TAFA2: variants seen among roughly 807,000 people sequenced by gnomAD.
The protein encoded by TAFA2 is TAFA chemokine like family member 2.
TAFA2 carries 7 observed loss-of-function variants against 18.8 expected under a neutral mutation model. That is an observed-to-expected ratio of 0.37 (90% CI 0.21 to 0.70). The LOEUF (loss-of-function observed/expected upper bound fraction) is 0.70, where lower values mean the gene tolerates loss of function less well. TAFA2 is among the 30% of genes least tolerant of loss of function. TAFA2 has a pLI of 0.53. For synonymous variants in TAFA2, 60 were observed against 54.2 expected, an observed-to-expected ratio of 1.11 and a Z score of -0.47; for missense variants, 122 against 158.1, an observed-to-expected ratio of 0.77 and a Z score of 1.23.
chr12:62,086,173 AC>A (rs1174986564), intron 1 of TAFA2, among the ~76,000 whole-genome samples: 1 of 149,244 alleles, frequency 6.7e-6, no homozygotes, highest in Non-Finnish European at 1.5e-5. Context: ...TCTCAAAAAA[AC>A]AAAACAAAAC....
chr12:62,197,897 A>G (rs1592396494), intron 1 of TAFA2, among the ~76,000 whole-genome samples: 1 of 152,228 alleles, frequency 6.6e-6, no homozygotes, highest in Non-Finnish European at 1.5e-5. Flanking sequence ...ATTAAAAATA[A>G]AGCTGCTATG....
At chr12:62,170,649 C>T (rs2062471112) in intron 1 of TAFA2, among the ~76,000 whole-genome samples, 1 of 151,624 alleles carries the variant, frequency 6.6e-6, no homozygotes, top group Non-Finnish European at 1.5e-5. Flanking sequence ...TTAAGGGGTA[C>T]ACATGCAGTT....
chr12:61,816,394 G>A (rs958918766), intron 2 of TAFA2, among the ~76,000 whole-genome samples: 5 of 151,416 alleles, frequency 3.3e-5, no homozygotes. Context: ...TGGTGTATAT[G>A]TACCACATTT....
intron 2 of TAFA2, among the ~76,000 whole-genome samples, chr12:61,779,922 C>G (rs1264111273): frequency 1.3e-5 from 2 of 151,676 alleles, no homozygotes; most frequent in Non-Finnish European, 2.9e-5. Flanking sequence ...TATAATATCT[C>G]TATTAATGAA....
chr12:61,732,415 A>C (rs1870494775), intron 4 of TAFA2, among the ~76,000 whole-genome samples: 1 of 152,082 alleles, frequency 6.6e-6, no homozygotes, highest in African/African-American at 2.4e-5. Flanking sequence ...CTAAGGCTAA[A>C]CCGTAGGCAA....
Position 62,156,316 on chromosome 12 carries a change from G to A in TAFA2, c.-2+34943C>T, listed in dbSNP as rs149066766. On this transcript the variant is annotated intron_variant, in intron 1 of 4. Coordinates refer to ENST00000416284, the MANE Select transcript of TAFA2 (RefSeq NM_178539.5). ...AACAGTAGATGTTGGTATGGATGCC[G>A]TGATCAGTGAACACTGCCACACTGC... is the stretch of plus-strand genomic sequence containing the variant. 9.2e-3 allele frequency among the ~76,000 whole-genome samples: 1,402 copies of A among 152,284 alleles called. 9 individuals carry two copies. Among genetic ancestry groups the A allele is most frequent in the Non-Finnish European group, 0.014 (956 of 68,022 alleles).
intron 1 of TAFA2, among the ~76,000 whole-genome samples, chr12:62,244,207 A>T (rs998717814): frequency 6.7e-6 from 1 of 149,926 alleles, no homozygotes; most frequent in African/African-American, 2.5e-5. Context: ...TCTGAACTCA[A>T]TCATTGTTAT....
At chr12:62,242,963 A>G (rs1254532474) in intron 1 of TAFA2, among the ~76,000 whole-genome samples, 2 of 152,208 alleles carry the variant, frequency 1.3e-5, no homozygotes, top group East Asian at 3.8e-4. Context: ...TCAAACCCAG[A>G]TTCATTTAAA....
chr12:62,249,659 G>A (rs1229035580), intron 1 of TAFA2, among the ~76,000 whole-genome samples: 1 of 152,150 alleles, frequency 6.6e-6, no homozygotes, highest in Non-Finnish European at 1.5e-5. Context: ...AATACCCATT[G>A]TTCCCTCTCA....
intron 1 of TAFA2, among the ~76,000 whole-genome samples, chr12:61,955,971 G>A (rs1253356798): frequency 4.0e-5 from 6 of 151,846 alleles, no homozygotes; most frequent in Non-Finnish European, 8.8e-5. Context: ...TAAAATTTAG[G>A]CTCAATTATA....
At chr12:62,229,483 T>G (rs759680592) in intron 1 of TAFA2, among the ~76,000 whole-genome samples, 2 of 152,150 alleles carry the variant, frequency 1.3e-5, no homozygotes, top group Non-Finnish European at 2.9e-5. Flanking sequence ...TCATATGGTT[T>G]TTGTTCTTGA....
intron 1 of TAFA2, among the ~76,000 whole-genome samples, chr12:62,220,968 A>C (rs940405037): frequency 6.6e-6 from 1 of 151,826 alleles, no homozygotes; most frequent in Non-Finnish European, 1.5e-5. Context: ...TTAGCCGGGC[A>C]TGGTAGCGGG....
Position 62,019,365 on chromosome 12 carries a change from C to G in TAFA2, c.-1-151939G>C, listed in dbSNP as rs567614516. On this transcript the variant is annotated intron_variant, in intron 1 of 4. Transcript: ENST00000416284. ...ATTATAAATCACGCTGCTATAAAGA[C>G]ACATGCACATGTATGTTTATTGTGG... 9.5e-4 allele frequency among the ~76,000 whole-genome samples: 141 copies of G among 148,554 alleles called. 2 individuals are homozygous for G. The highest frequency in any genetic ancestry group is 3.4e-3 in the African/African-American group (136 of 39,880).
intron 1 of TAFA2, among the ~76,000 whole-genome samples, chr12:62,154,709 G>A (rs1331252333): frequency 1.3e-5 from 2 of 151,998 alleles, no homozygotes; most frequent in South Asian, 2.1e-4. Context: ...AAACATTTAC[G>A]ATAATTTTTC....
chr12:62,069,741 A>C (rs1882580171), intron 1 of TAFA2, among the ~76,000 whole-genome samples: 1 of 152,190 alleles, frequency 6.6e-6, no homozygotes, highest in Non-Finnish European at 1.5e-5. Context: ...TTTGAATTTT[A>C]GTTCCTTCAC....
intron 1 of TAFA2, among the ~76,000 whole-genome samples, chr12:61,936,574 A>C (rs2121406881): frequency 6.9e-6 from 1 of 144,046 alleles, no homozygotes; most frequent in South Asian, 2.1e-4. Flanking sequence ...TCTCAAAAAA[A>C]CATAAAAATA....
intron 4 of TAFA2, among the ~76,000 whole-genome samples, chr12:61,749,898 G>A (rs967433412): frequency 6.6e-6 from 1 of 151,946 alleles, no homozygotes; most frequent in Non-Finnish European, 1.5e-5. Flanking sequence ...GTATTTTGTA[G>A]CTTGGTGTCC....
At position 61,710,372 on chromosome 12, in the gene TAFA2, C is replaced by T. The variant is rs1258296697; in HGVS notation, c.*34G>A. On this transcript the variant is annotated 3_prime_UTR_variant, in exon 5 of 5. Transcript: ENST00000416284. ...AAGTTTCTATGCGCATGTTCAATGTCATCAGCCTTGAGGATCACTTGATTT... is the reference window on the plus strand; with the variant it reads ...AAGTTTCTATGCGCATGTTCAATGTTATCAGCCTTGAGGATCACTTGATTT... The T allele has an allele frequency of 6.2e-7, 1 of 1,604,394 alleles. No individual in the cohort carries two copies. Among genetic ancestry groups the T allele is most frequent in the Non-Finnish European group, 8.5e-7 (1 of 1,171,662 alleles).
chr12:61,768,869 C>T (rs1423049838), intron 2 of TAFA2, among the ~76,000 whole-genome samples: 1 of 152,028 alleles, frequency 6.6e-6, no homozygotes, highest in African/African-American at 2.4e-5. Flanking sequence ...CATAGAAGCA[C>T]AGAAACTGCA....
Sources: allele counts gnomAD v4.1 joint callset (sites outside exome capture counted in the v4.1 genomes callset), GRCh38; gene constraint gnomAD v4.1.1; transcripts MANE v1.5; gene names NCBI Gene and HGNC (gene_info 2026-07-23, HGNC 2026-07-21).